TENM1: variants seen among roughly 807,000 people sequenced by gnomAD.
TENM1 encodes the protein teneurin-1.
TENM1 carries 35 observed loss-of-function variants against 174.8 expected under a neutral mutation model. The ratio of observed to expected loss-of-function variants is 0.20; its 90% CI spans 0.15 to 0.27. TENM1 has a LOEUF of 0.27. Ranked by LOEUF, TENM1 falls within the 10% of genes least tolerant of loss-of-function variation. TENM1 has a pLI of 1.00. For synonymous variants in TENM1, 781 were observed against 798.7 expected (o/e 0.98, Z 0.37); for missense variants, 1,633 against 2,130.1 (o/e 0.77, Z 4.59).
At chrX:124,928,547 T>G (rs2058123176) in intron 1 of TENM1, among the ~76,000 whole-genome samples, 1 of 112,005 alleles carries the variant, frequency 8.9e-6, no homozygotes, top group Admixed American at 9.5e-5. Flanking sequence ...AAACAATAGG[T>G]TTTCATATTT....
intron 10 of TENM1, 118 bp downstream of exon 13, chrX:124,645,025 C>T (rs1267507329): frequency 1.2e-5 from 8 of 665,922 alleles, no homozygotes; most frequent in Non-Finnish European, 1.8e-5. Context: ...TGTACTAAGA[C>T]GCTGAGCATT....
intron 23 of TENM1, among the ~76,000 whole-genome samples, chrX:124,447,842 T>C (rs767070766): frequency 1.4e-3 from 158 of 111,370 alleles, no homozygotes; most frequent in African/African-American, 5.0e-3. Flanking sequence ...CTGTGTACCC[T>C]CCGTGAGAGA....
chrX:125,172,364 C>A, the TENM1 span, among the ~76,000 whole-genome samples: 1 of 110,216 alleles, frequency 9.1e-6, no homozygotes, highest in Non-Finnish European at 1.9e-5. Flanking sequence ...CCACATAGAG[C>A]AATTGACTTG....
At chrX:124,981,658 A>T in the TENM1 span, among the ~76,000 whole-genome samples, 3 of 111,285 alleles carry the variant, frequency 2.7e-5, no homozygotes, top group African/African-American at 9.8e-5. Flanking sequence ...ACTTAATGGA[A>T]CACTGAATGC....
In TENM1 at chrX:124,652,196, C is replaced by T. The variant is rs2051325571; in HGVS notation, c.1369-72G>A. ...GACTGATAAACATCCCTAACTTCAA[C>T]TGCCCTATTTCTTACTTCTTTGCTT... is the stretch of plus-strand genomic sequence containing the variant. On this transcript the variant is annotated intron_variant, in intron 7 of 31. Transcript: ENST00000422452. 6 of 1,107,294 alleles carry T rather than the reference C, an allele frequency of 5.4e-6. No homozygotes were observed. The African/African-American group carries it at 9.2e-5, about 17-fold the overall frequency. The allele number at this position is 1,107,294 out of a possible 1,213,427, so 91.3% of individuals were successfully genotyped here. A position where few individuals can be genotyped will look rare whatever the true frequency, so the allele number is the denominator to read the frequency against.
At chrX:124,946,896 T>A (rs2058410299) in intron 1 of TENM1, among the ~76,000 whole-genome samples, 1 of 102,619 alleles carries the variant, frequency 9.7e-6, no homozygotes, top group African/African-American at 3.8e-5. Flanking sequence ...TCAGATGGTA[T>A]GAACTTTAAA....
intron 8 of TENM1, among the ~76,000 whole-genome samples, chrX:124,647,177 C>T (rs2051180550): frequency 8.9e-6 from 1 of 111,948 alleles, no homozygotes; most frequent in Non-Finnish European, 1.9e-5. Flanking sequence ...TAAAATGTAA[C>T]ACAGATGACT....
At chrX:124,436,883 T>C (rs1211716522) in intron 23 of TENM1, among the ~76,000 whole-genome samples, 2 of 109,294 alleles carry the variant, frequency 1.8e-5, no homozygotes, top group African/African-American at 6.7e-5. Flanking sequence ...ATTCTCTATA[T>C]TAAATCCTCT....
intron 14 of TENM1, among the ~76,000 whole-genome samples, chrX:124,552,968 C>T (rs2048608667): frequency 9.0e-6 from 1 of 110,977 alleles, no homozygotes; most frequent in Non-Finnish European, 1.9e-5. Flanking sequence ...TTATTTTAAT[C>T]TTAATTTTTT....
the TENM1 span, among the ~76,000 whole-genome samples, chrX:125,064,236 C>G: frequency 9.1e-6 from 1 of 110,128 alleles, no homozygotes; most frequent in Admixed American, 9.7e-5. Context: ...GTGCAGCACA[C>G]CAACATGGCA....
chrX:125,148,502 T>C, the TENM1 span, among the ~76,000 whole-genome samples: 22 of 111,814 alleles, frequency 2.0e-4, no homozygotes, highest in Non-Finnish European at 3.4e-4. Flanking sequence ...TCTTATTCTA[T>C]ATGCTTTCAT....
chrX:125,025,621 TAATACA>T, the TENM1 span, among the ~76,000 whole-genome samples: 1 of 110,873 alleles, frequency 9.0e-6, no homozygotes, highest in Non-Finnish European at 1.9e-5. Context: ...GCAAGGTGAA[TAATACA>T]AAGTCCTGAT....
chrX:124,643,581 C>G (rs1054274607), intron 10 of TENM1, among the ~76,000 whole-genome samples: 4 of 111,450 alleles, frequency 3.6e-5, no homozygotes, highest in African/African-American at 1.3e-4. Context: ...CATTAAACAA[C>G]AGCAACAGCA....
rs750593750 is a variant in TENM1, at chrX:124,665,786, C to A, written c.1168+5897G>T. On this transcript the variant is annotated intron_variant, in intron 6 of 31. Transcript: ENST00000422452. ...GCAAATAAAGCAAAGAGGAAGGGAA[C>A]GGGAGTTTTGCCAGGAATCTGCCCC... is the stretch of plus-strand genomic sequence containing the variant. 2.7e-5 allele frequency among the ~76,000 whole-genome samples: 3 copies of A among 112,186 alleles called. No homozygotes were observed. In the South Asian group the frequency reaches 1.1e-3, roughly 42 times the overall value.
chrX:124,700,914 C>CA (rs58083794), intron 5 of TENM1, among the ~76,000 whole-genome samples: 2 of 110,836 alleles, frequency 1.8e-5, no homozygotes, highest in African/African-American at 6.6e-5. Flanking sequence ...TGCAAAGAGG[C>CA]AAAAAAAGCA....
chrX:125,062,818 T>C, the TENM1 span, among the ~76,000 whole-genome samples: 1 of 112,059 alleles, frequency 8.9e-6, no homozygotes, highest in Non-Finnish European at 1.9e-5. Context: ...TCTGAATATG[T>C]CTTGCCAGAC....
intron 4 of TENM1, among the ~76,000 whole-genome samples, chrX:124,712,537 A>T (rs1456368480): frequency 2.7e-5 from 3 of 110,334 alleles, no homozygotes; most frequent in Admixed American, 1.9e-4. Flanking sequence ...GCTGGAGTGC[A>T]GTGGCACAAT....
chrX:124,729,845 G>A (rs1179028823), intron 4 of TENM1, among the ~76,000 whole-genome samples: 1 of 111,890 alleles, frequency 8.9e-6, no homozygotes, highest in Non-Finnish European at 1.9e-5. Flanking sequence ...GAACATGGTG[G>A]TGAAAGAGTA....
At chrX:125,124,514 G>A in the TENM1 span, among the ~76,000 whole-genome samples, 1 of 111,531 alleles carries the variant, frequency 9.0e-6, no homozygotes, top group Non-Finnish European at 1.9e-5. Context: ...GTGTTGTGGC[G>A]ACCAAATGCG....
Sources: gnomAD v4.1 joint callset for allele counts (sites outside exome capture counted in the v4.1 genomes callset) on GRCh38, gnomAD v4.1.1 for gene constraint, MANE v1.5 for transcripts, NCBI Gene and HGNC (gene_info 2026-07-23, HGNC 2026-07-21) for gene names.